The following STXBP5L variants were observed in gnomAD, a reference collection of about 807,000 sequenced individuals.
STXBP5L encodes syntaxin binding protein 5L.
A neutral mutation model predicts 144.5 loss-of-function variants in STXBP5L; 65 were observed. The ratio of observed to expected loss-of-function variants is 0.45; its 90% CI spans 0.37 to 0.55. STXBP5L has a LOEUF of 0.55. STXBP5L is among the 20% of genes least tolerant of loss of function. The probability of loss-of-function intolerance (pLI) is 0.00; values close to 1 mark genes in which losing one functional copy is unlikely to be tolerated. For missense variants in STXBP5L, 1,298 were observed against 1,405.5 expected (o/e 0.92, Z 1.22); for synonymous variants, 505 against 469.6 (o/e 1.08, Z -0.97).
intron 3 of STXBP5L, among the ~76,000 whole-genome samples, chr3:121,000,569 G>C (rs1943689837): frequency 6.6e-6 from 1 of 152,126 alleles, no homozygotes; most frequent in Non-Finnish European, 1.5e-5. Flanking sequence ...CCTGAATCTT[G>C]ATGATCATTG....
rs1055950722 is a variant in STXBP5L at position 121,092,551 on chromosome 3, T to C, written c.471-22374T>C. Among the ~76,000 whole-genome samples the C allele has an allele frequency of 7.9e-5, 12 of 152,254 alleles. No homozygotes were observed. The East Asian group carries it at 2.1e-3, about 27-fold the overall frequency. On this transcript the variant is annotated intron_variant, in intron 5 of 26. Transcript: ENST00000471454. ...TGAAGCAATTGGGAATGGGAGTTCA[T>C]TCATGATTTGGCTCTCTGTTTGTCT...
At chr3:121,135,128 G>C (rs1427082172) in intron 7 of STXBP5L, among the ~76,000 whole-genome samples, 1 of 152,118 alleles carries the variant, frequency 6.6e-6, no homozygotes, top group Admixed American at 6.5e-5. Context: ...TCTCATTGTG[G>C]TTTTGATTTG....
At chr3:121,103,191 C>G (rs1031907107) in intron 5 of STXBP5L, among the ~76,000 whole-genome samples, 11 of 151,510 alleles carry the variant, frequency 7.3e-5, no homozygotes, top group African/African-American at 2.7e-4. Context: ...AATCCCATTA[C>G]TGGGTATATA....
intron 3 of STXBP5L, among the ~76,000 whole-genome samples, chr3:120,996,746 A>C (rs1224570949): frequency 6.6e-6 from 1 of 152,016 alleles, no homozygotes; most frequent in Non-Finnish European, 1.5e-5. Flanking sequence ...ACTTATCTTA[A>C]TATCCTCCAC....
At chr3:121,052,758 G>A (rs1393269520) in intron 5 of STXBP5L, among the ~76,000 whole-genome samples, 1 of 151,780 alleles carries the variant, frequency 6.6e-6, no homozygotes, top group Non-Finnish European at 1.5e-5. Flanking sequence ...CAATCAGGCA[G>A]GAGAAGGAAA....
intron 2 of STXBP5L, among the ~76,000 whole-genome samples, chr3:120,922,427 C>T (rs1019238857): frequency 1.3e-5 from 2 of 151,918 alleles, no homozygotes; most frequent in African/African-American, 2.4e-5. Flanking sequence ...TGATTTGACT[C>T]CCTTCTTCCA....
intron 25 of STXBP5L, among the ~76,000 whole-genome samples, chr3:121,416,476 TTTA>T (rs1444720498): frequency 5.3e-3 from 1 of 188 alleles, no homozygotes; most frequent in African/African-American, 0.014. Flanking sequence ...TAGATTTTTA[TTTA>T]TTTATTTATT....
rs138119771 is a variant in STXBP5L, at chr3:120,920,294, A to G, written c.189+10527A>G. ...CTTTGTTCTCTGCTAACAGACTCAA[A>G]TTTCTTACAAATTTTTTTTTTGAAA... is the stretch of plus-strand genomic sequence containing the variant. On this transcript the variant is annotated intron_variant, in intron 2 of 26. Coordinates refer to ENST00000471454, the MANE Select transcript of STXBP5L (RefSeq NM_001308330.2). Among the ~76,000 whole-genome samples the G allele has an allele frequency of 2.8e-3, 419 of 150,764 alleles. 3 individuals are homozygous for G. Among genetic ancestry groups the G allele is most frequent in the African/African-American group, 9.2e-3 (379 of 41,018 alleles).
intron 5 of STXBP5L, among the ~76,000 whole-genome samples, chr3:121,111,533 C>T (rs1048876225): frequency 1.3e-5 from 2 of 152,132 alleles, no homozygotes; most frequent in African/African-American, 4.8e-5. Context: ...TGCCTGGGTC[C>T]CTCCCACACC....
chr3:121,035,451 A>G (rs950183407), intron 3 of STXBP5L, among the ~76,000 whole-genome samples: 1 of 152,142 alleles, frequency 6.6e-6, no homozygotes, highest in African/African-American at 2.4e-5. Context: ...TCCCAGCACC[A>G]TTTATTGAAA....
At chr3:121,281,500 A>G (rs1183821142) in intron 19 of STXBP5L, among the ~76,000 whole-genome samples, 2 of 152,024 alleles carry the variant, frequency 1.3e-5, no homozygotes, top group Non-Finnish European at 2.9e-5. Context: ...TTAAAAATTT[A>G]GTTCCTCAGT....
At chr3:121,261,561 TATC>T (rs1472496574) in intron 18 of STXBP5L, among the ~76,000 whole-genome samples, 1 of 152,126 alleles carries the variant, frequency 6.6e-6, no homozygotes, top group Non-Finnish European at 1.5e-5. Flanking sequence ...AAAGATAACA[TATC>T]ATAACCAAGT....
intron 22 of STXBP5L, among the ~76,000 whole-genome samples, chr3:121,389,318 A>G (rs2046513955): frequency 6.6e-6 from 1 of 152,028 alleles, no homozygotes. Flanking sequence ...AATTTTGTTG[A>G]TCTTTTCAAA....
At chr3:121,063,677 G>T (rs1273981130) in intron 5 of STXBP5L, among the ~76,000 whole-genome samples, 1 of 152,202 alleles carries the variant, frequency 6.6e-6, no homozygotes, top group Non-Finnish European at 1.5e-5. Context: ...CTTTCTTTCA[G>T]AGATGCCTTG....
intron 2 of STXBP5L, among the ~76,000 whole-genome samples, chr3:120,928,839 A>G (rs1197185804): frequency 1.3e-5 from 2 of 152,074 alleles, no homozygotes; most frequent in African/African-American, 4.8e-5. Flanking sequence ...TTTTGGGTGC[A>G]TTTCATTTTA....
chr3:121,132,850 AT>A (rs571029965), intron 7 of STXBP5L, among the ~76,000 whole-genome samples: 236 of 152,308 alleles, frequency 1.5e-3, no homozygotes, highest in Non-Finnish European at 2.5e-3. Context: ...TGAAAAAAAA[AT>A]CACTAGAGGG....
chr3:121,247,897 C>G (rs2049907868), intron 14 of STXBP5L, among the ~76,000 whole-genome samples: 2 of 152,242 alleles, frequency 1.3e-5, no homozygotes, highest in Non-Finnish European at 2.9e-5. Context: ...CAACCGCTTT[C>G]TACTTTCAGT....
chr3:121,121,007 TAGAG>T (rs879226777), intron 6 of STXBP5L, among the ~76,000 whole-genome samples: 1 of 151,276 alleles, frequency 6.6e-6, no homozygotes, highest in Non-Finnish European at 1.5e-5. Flanking sequence ...GTCAGATTGA[TAGAG>T]AGAGCCCAGG....
chr3:121,152,639 C>A, intron 8 of STXBP5L, 79 bp downstream of exon 8: 1 of 1,083,048 alleles, frequency 9.2e-7, no homozygotes, highest in Non-Finnish European at 1.3e-6. Flanking sequence ...TTGCACTTTA[C>A]CAGTATGTTT....
Sources: allele counts gnomAD v4.1 joint callset (sites outside exome capture counted in the v4.1 genomes callset), GRCh38; gene constraint gnomAD v4.1.1; transcripts MANE v1.5; gene names NCBI Gene and HGNC (gene_info 2026-07-23, HGNC 2026-07-21).